The following QRICH1 variants were observed in gnomAD, a reference collection of about 807,000 sequenced individuals.
The protein encoded by QRICH1 is transcriptional regulator QRICH1.
In QRICH1, 16 loss-of-function variants were observed where a neutral mutation model predicts 87.1. The ratio of observed to expected loss-of-function variants is 0.18; its 90% CI spans 0.12 to 0.28. The LOEUF (loss-of-function observed/expected upper bound fraction) is 0.28, where lower values mean the gene tolerates loss of function less well. Among genes scored for constraint, QRICH1 ranks in the 10% least tolerant of loss-of-function variants. The pLI, the probability that QRICH1 is intolerant of heterozygous loss-of-function variation, is 1.00. For missense variants in QRICH1, 647 were observed against 951.7 expected (o/e 0.68, Z 4.21); for synonymous variants, 367 against 368.4 (o/e 1.00, Z 0.05).
chr3:49,066,440 G>A (rs903404346), intron 2 of QRICH1, among the ~76,000 whole-genome samples: 1 of 151,364 alleles, frequency 6.6e-6, no homozygotes, highest in Non-Finnish European at 1.5e-5. Context: ...ATGCTTTACT[G>A]TATTTCTTAA....
At chr3:49,074,505 G>A (rs1337507979) in intron 2 of QRICH1, among the ~76,000 whole-genome samples, 2 of 151,804 alleles carry the variant, frequency 1.3e-5, no homozygotes, top group Non-Finnish European at 2.9e-5. Flanking sequence ...CCGGGAGGCG[G>A]AGCTTGCAGA....
chr3:49,094,054 T>G lies in QRICH1; in HGVS notation c.-164A>C, dbSNP rs148010421. 3 of 398,684 alleles carry G rather than the reference T, an allele frequency of 7.5e-6. No individual in the cohort carries two copies. The highest frequency in any genetic ancestry group is 1.3e-5 in the Non-Finnish European group (3 of 226,138). 24.7% of individuals were successfully genotyped at this position (398,684 alleles called of 1,614,324 possible). On this transcript the variant is annotated 5_prime_UTR_variant, in exon 1 of 10. Transcript: ENST00000395443. ...CAGCTCCCTGGGCGCCATCTTACAT[T>G]CAACCCTCACAGCCAATAGGAGCCG...
chr3:49,042,136 C>A (rs1354433487), intron 6 of QRICH1, among the ~76,000 whole-genome samples: 1 of 148,298 alleles, frequency 6.7e-6, no homozygotes, highest in Non-Finnish European at 1.5e-5. Context: ...TTGCTCTTGT[C>A]GCCCAGGCTG....
At chr3:49,056,568 T>A (rs951671036) in intron 3 of QRICH1, among the ~76,000 whole-genome samples, 1 of 152,212 alleles carries the variant, frequency 6.6e-6, no homozygotes, top group Non-Finnish European at 1.5e-5. Context: ...CCTGTAACTT[T>A]ACTCTTCCTG....
At chr3:49,047,672 G>A (rs899248262) in intron 3 of QRICH1, among the ~76,000 whole-genome samples, 1 of 151,802 alleles carries the variant, frequency 6.6e-6, no homozygotes, top group Non-Finnish European at 1.5e-5. Flanking sequence ...TAGTCGAGAC[G>A]GAGTTTCGCC....
At chr3:49,069,101 A>T (rs200954976) in intron 2 of QRICH1, among the ~76,000 whole-genome samples, 7,589 of 86,466 alleles carry the variant, frequency 0.088, 343 homozygotes, top group Middle Eastern at 0.12. Context: ...TATTATTATT[A>T]TTATTATTTT....
At chr3:49,079,193 G>T (rs547850347) in intron 1 of QRICH1, among the ~76,000 whole-genome samples, 1 of 151,750 alleles carries the variant, frequency 6.6e-6, no homozygotes, top group Non-Finnish European at 1.5e-5. Flanking sequence ...GAGATCACTC[G>T]AATGCACTCC....
In QRICH1 at chr3:49,062,002, G is replaced by A. The variant is rs375281342; in HGVS notation, c.310-4112C>T. Among the ~76,000 whole-genome samples, 444 of 152,168 alleles carry A rather than the reference G, an allele frequency of 2.9e-3. 4 individuals carry two copies. Among genetic ancestry groups the A allele is most frequent in the African/African-American group, 9.8e-3 (405 of 41,520 alleles). Reference sequence around the variant, plus strand: ...TAAAAAAGACAGATAACAAGTATAGGTAAGGATATAGACAACTTGAAACTG... The same window carrying A: ...TAAAAAAGACAGATAACAAGTATAGATAAGGATATAGACAACTTGAAACTG... On this transcript the variant is annotated intron_variant, in intron 2 of 9. Coordinates refer to ENST00000395443, the MANE Select transcript of QRICH1 (RefSeq NM_198880.3).
intron 1 of QRICH1, among the ~76,000 whole-genome samples, chr3:49,091,987 G>C (rs183527716): frequency 2.0e-5 from 3 of 151,688 alleles, no homozygotes; most frequent in Admixed American, 6.6e-5. Context: ...CAGGAGAATC[G>C]CTTCAACCAG....
Position 49,044,466 on chromosome 3 carries a change from G to T in QRICH1, c.1710C>A (p.Ser570=). ...CCGTGAACCGAACATAATAAAGATC[G>T]GAGAAAATGTCATCTACCCTTCCAT... ...FENGRVDDIF[S]DLYYVRFTEW... Residue 570 remains serine (S), a synonymous_variant, in exon 6 of 10, where the codon TCC becomes TCA. Coordinates refer to ENST00000395443, the MANE Select transcript of QRICH1 (RefSeq NM_198880.3). 5.0e-6 allele frequency: 8 copies of T among 1,613,048 alleles called. No individual in the cohort carries two copies. The highest frequency in any genetic ancestry group is 6.8e-6 in the Non-Finnish European group (8 of 1,179,560).
In QRICH1 at chr3:49,037,073, TA is replaced by T. The variant is rs60963227; in HGVS notation, c.1787-3846del. ...GTGATAAATCGAGACCCCCGTCTCTTAAAAAAAAAAAAAAAAAAAAAAGGAA... is the reference window on the plus strand; with the variant it reads ...GTGATAAATCGAGACCCCCGTCTCTTAAAAAAAAAAAAAAAAAAAAAGGAA... On this transcript the variant is annotated intron_variant, in intron 6 of 9. Transcript: ENST00000395443. 6.5e-3 allele frequency among the ~76,000 whole-genome samples: 598 copies of T among 92,600 alleles called. 1 individual carries two copies. The highest frequency in any genetic ancestry group is 0.025 in the Middle Eastern group (3 of 120). 60.7% of individuals were successfully genotyped at this position (92,600 alleles called of 152,430 possible). A position where few individuals can be genotyped will look rare whatever the true frequency, so the allele number is the denominator to read the frequency against.
At chr3:49,056,699 A>G in intron 3 of QRICH1, 163 bp downstream of exon 3, 3 of 1,243,620 alleles carry the variant, frequency 2.4e-6, no homozygotes, top group Non-Finnish European at 2.2e-6. Context: ...TTTCTGTTGC[A>G]TAGCCTCACG....
chr3:49,076,648 T>C lies in QRICH1; in HGVS notation c.309+61A>G, dbSNP rs993255665. Reference sequence around the variant, plus strand: ...ACATAGATGTGATGAGCCCACTAACTAAAACACTGACAACAAATAAAGTAC... The same window carrying C: ...ACATAGATGTGATGAGCCCACTAACCAAAACACTGACAACAAATAAAGTAC... On this transcript the variant is annotated intron_variant, in intron 2 of 9. Coordinates refer to ENST00000395443, the MANE Select transcript of QRICH1 (RefSeq NM_198880.3). 7 of 1,399,536 alleles carry C rather than the reference T, an allele frequency of 5.0e-6. No homozygotes were observed. In the African/African-American group the frequency reaches 1.0e-4, roughly 20 times the overall value. The allele number at this position is 1,399,536 out of a possible 1,614,324, so 86.7% of individuals were successfully genotyped here.
chr3:49,075,041 G>C (rs958298328), intron 2 of QRICH1, among the ~76,000 whole-genome samples: 40 of 151,846 alleles, frequency 2.6e-4, no homozygotes, highest in African/African-American at 9.2e-4. Flanking sequence ...TATTTTTAAG[G>C]CCAGGCATGG....
chr3:49,089,644 GAAT>G (rs1394432432), intron 1 of QRICH1, among the ~76,000 whole-genome samples: 3 of 152,032 alleles, frequency 2.0e-5, no homozygotes, highest in African/African-American at 7.3e-5. Context: ...TCATACAACA[GAAT>G]ACTACATAAA....
At chr3:49,034,001 C>CA (rs1553738947) in intron 6 of QRICH1, among the ~76,000 whole-genome samples, 2 of 149,948 alleles carry the variant, frequency 1.3e-5, no homozygotes, top group Non-Finnish European at 1.5e-5. Flanking sequence ...AACAAAAAAA[C>CA]AAAAAAACAA....
chr3:49,053,501 A>AAC, intron 3 of QRICH1, among the ~76,000 whole-genome samples: 1 of 151,440 alleles, frequency 6.6e-6, no homozygotes. Context: ...AAAAAAAAAA[A>AAC]AAAACAAGTC....
chr3:49,067,868 T>G (rs918379841), intron 2 of QRICH1, among the ~76,000 whole-genome samples: 1 of 151,220 alleles, frequency 6.6e-6, no homozygotes, highest in Non-Finnish European at 1.5e-5. Flanking sequence ...GGAGAACCAC[T>G]TGAACCCAGG....
At chr3:49,041,163 T>G (rs530348197) in intron 6 of QRICH1, among the ~76,000 whole-genome samples, 29 of 152,078 alleles carry the variant, frequency 1.9e-4, no homozygotes, top group African/African-American at 5.8e-4. Flanking sequence ...TAGATATGGG[T>G]TTCCCCATAT....
Sources: allele counts gnomAD v4.1 joint callset (sites outside exome capture counted in the v4.1 genomes callset), GRCh38; gene constraint gnomAD v4.1.1; transcripts MANE v1.5; gene names NCBI Gene and HGNC (gene_info 2026-07-23, HGNC 2026-07-21).